The following HTR1E variants were observed in gnomAD, a reference collection of about 807,000 sequenced individuals.
The protein encoded by HTR1E is 5-HT-1E.
A neutral mutation model predicts 3.4 loss-of-function variants in HTR1E; 3 were observed. The observed-to-expected ratio is 0.89, with a 90% confidence interval of 0.41 to 2.31. The LOEUF is 2.31. Ranked by LOEUF, HTR1E falls within the 30% of genes most tolerant of loss-of-function variation. The pLI is 0.05. For missense variants in HTR1E, 392 were observed against 467.0 expected (o/e 0.84, Z 1.48); for synonymous variants, 170 against 182.8 (o/e 0.93, Z 0.56).
chr6:86,939,943 T>C (rs970892245), intron 1 of HTR1E, among the ~76,000 whole-genome samples: 23 of 152,184 alleles, frequency 1.5e-4, no homozygotes, highest in African/African-American at 5.5e-4. Context: ...TTTCTTCTTA[T>C]CGATGCCTGG....
At chr6:87,010,169 G>T (rs1214431899) in intron 1 of HTR1E, among the ~76,000 whole-genome samples, 1 of 92,416 alleles carries the variant, frequency 1.1e-5, no homozygotes. Context: ...CGGACGGGGC[G>T]GCTGGCCGGG....
intron 1 of HTR1E, among the ~76,000 whole-genome samples, chr6:87,009,794 ACC>A (rs1768176467): frequency 1.3e-5 from 1 of 75,598 alleles, no homozygotes; most frequent in Non-Finnish European, 2.4e-5. Flanking sequence ...GACCTCCCCC[ACC>A]TCCCTCCCGG....
intron 1 of HTR1E, among the ~76,000 whole-genome samples, chr6:86,972,811 T>C (rs1288424256): frequency 6.6e-6 from 1 of 152,188 alleles, no homozygotes; most frequent in Non-Finnish European, 1.5e-5. Context: ...GGTTATGCCA[T>C]ATAGATGATT....
chr6:86,951,573 C>T (rs62440828), intron 1 of HTR1E, among the ~76,000 whole-genome samples: 5,538 of 152,116 alleles, frequency 0.036, 106 homozygotes, highest in Middle Eastern at 0.058. Context: ...GGGAAAAAGA[C>T]AGGATAAAGG....
At chr6:86,963,252 A>G (rs1767432013) in intron 1 of HTR1E, among the ~76,000 whole-genome samples, 1 of 152,210 alleles carries the variant, frequency 6.6e-6, no homozygotes, top group South Asian at 2.1e-4. Context: ...CTTATAAAAT[A>G]AGGATATAAA....
intron 1 of HTR1E, among the ~76,000 whole-genome samples, chr6:86,949,116 C>T (rs1482968657): frequency 6.6e-6 from 1 of 152,138 alleles, no homozygotes; most frequent in Non-Finnish European, 1.5e-5. Flanking sequence ...TTTACCCTCT[C>T]AATTGATGAA....
At chr6:86,944,777 G>C (rs1231368215) in intron 1 of HTR1E, among the ~76,000 whole-genome samples, 2 of 152,160 alleles carry the variant, frequency 1.3e-5, no homozygotes, top group African/African-American at 2.4e-5. Context: ...AATTATAATG[G>C]AGCTGAAAAA....
At chr6:86,940,664 A>T (rs1168236294) in intron 1 of HTR1E, among the ~76,000 whole-genome samples, 1 of 152,064 alleles carries the variant, frequency 6.6e-6, no homozygotes, top group Non-Finnish European at 1.5e-5. Context: ...CACACAGATC[A>T]TTTTTTTCAT....
Position 87,015,969 on chromosome 6 carries a change from T to G in HTR1E, c.635T>G (p.Leu212Arg). The G allele has an allele frequency of 6.2e-7, 1 of 1,614,204 alleles. No individual in the cohort carries two copies. The highest frequency in any genetic ancestry group is 1.1e-5 in the South Asian group (1 of 91,078). The change falls in exon 2 of 2, where the codon CTT becomes CGT. Residue 212 changes from leucine to arginine, a missense_variant. Physicochemically the swap from Leu to Arg is moderately radical, Grantham distance 102. This residue lies in a region of HTR1E where 178 missense variants were observed against 164.9 expected (regional missense o/e 1.08). Transcript: ENST00000305344. ...CGGATTTACCACGCGGCCAAGAGCC[T>G]TTACCAGAAAAGGGGATCAAGTCGG... ...YYRIYHAAKS[L>R]YQKRGSSRHL... is the part of the protein sequence containing the mutation.
chr6:87,016,156 C>T lies in HTR1E; in HGVS notation c.822C>T (p.His274=), dbSNP rs758141604. The change falls in exon 2 of 2, where the codon CAC becomes CAT. Residue 274 remains histidine, a synonymous_variant. Coordinates refer to ENST00000305344, the MANE Select transcript of HTR1E (RefSeq NM_000865.3). The part of the protein sequence containing the change: ...RIPPFDNDLD[H]PGERQQISST... ...CCCCCTTCGACAATGATCTAGATCA[C>T]CCAGGAGAACGTCAGCAGATCTCTA... The T allele has an allele frequency of 1.9e-6, 3 of 1,614,128 alleles. No individual in the cohort carries two copies. The South Asian group carries it at 3.3e-5, about 18-fold the overall frequency.
chr6:86,949,398 A>C (rs1377229041), intron 1 of HTR1E, among the ~76,000 whole-genome samples: 1 of 152,236 alleles, frequency 6.6e-6, no homozygotes, highest in East Asian at 1.9e-4. Flanking sequence ...GGCAGAAAGA[A>C]AATGCAGGAG....
At chr6:86,941,181 G>T (rs184553740) in intron 1 of HTR1E, among the ~76,000 whole-genome samples, 1 of 152,192 alleles carries the variant, frequency 6.6e-6, no homozygotes, top group Non-Finnish European at 1.5e-5. Context: ...TCCTGGTGAT[G>T]AAAGGACTTT....
chr6:87,002,793 C>T (rs1412306784), intron 1 of HTR1E, among the ~76,000 whole-genome samples: 1 of 152,210 alleles, frequency 6.6e-6, no homozygotes, highest in Non-Finnish European at 1.5e-5. Context: ...GCCCAGCTGG[C>T]TTCACCTCTC....
intron 1 of HTR1E, among the ~76,000 whole-genome samples, chr6:87,009,845 C>A (rs1235248403): frequency 7.3e-5 from 9 of 123,356 alleles, no homozygotes; most frequent in African/African-American, 2.8e-4. Context: ...GACCCCCCCC[C>A]ACCTCCCTCC....
intron 1 of HTR1E, among the ~76,000 whole-genome samples, chr6:87,002,552 A>G (rs563437152): frequency 6.6e-6 from 1 of 152,246 alleles, no homozygotes; most frequent in African/African-American, 2.4e-5. Flanking sequence ...TGTGTTTACA[A>G]TCCTTTAGCT....
chr6:86,995,688 GAAAAAAAAAA>G (rs58476122), intron 1 of HTR1E, among the ~76,000 whole-genome samples: 8 of 55,206 alleles, frequency 1.4e-4, no homozygotes, highest in Non-Finnish European at 2.3e-4. Flanking sequence ...AAAAAAAAAA[GAAAAAAAAAA>G]AAAAAAGAAA....
intron 1 of HTR1E, among the ~76,000 whole-genome samples, chr6:86,978,708 C>T (rs866316198): frequency 1.3e-5 from 2 of 152,292 alleles, no homozygotes; most frequent in Middle Eastern, 3.4e-3. Context: ...TGCAAGCAGA[C>T]ATGCATGCCA....
At chr6:86,946,394 T>C (rs993901691) in intron 1 of HTR1E, among the ~76,000 whole-genome samples, 7 of 152,256 alleles carry the variant, frequency 4.6e-5, no homozygotes, top group African/African-American at 1.7e-4. Flanking sequence ...CTGTCTGGCT[T>C]TGTAGCCTAG....
At chr6:86,971,895 G>A (rs2127823114) in intron 1 of HTR1E, among the ~76,000 whole-genome samples, 1 of 152,126 alleles carries the variant, frequency 6.6e-6, no homozygotes, top group East Asian at 1.9e-4. Flanking sequence ...CCACTTATAA[G>A]TAAGAACATA....
Sources: gnomAD v4.1 joint callset for allele counts (sites outside exome capture counted in the v4.1 genomes callset) on GRCh38, gnomAD v4.1.1 for gene constraint, gnomAD v4.1.1 regional missense constraint, MANE v1.5 for transcripts, NCBI Gene and HGNC (gene_info 2026-07-23, HGNC 2026-07-21) for gene names.